BBS9: variants seen among roughly 807,000 people sequenced by gnomAD.
BBS9 encodes protein PTHB1.
BBS9 carries 89 observed loss-of-function variants against 117.7 expected under a neutral mutation model. The ratio of observed to expected loss-of-function variants is 0.76; its 90% confidence interval spans 0.64 to 0.90. The LOEUF is 0.90. BBS9 is among the 40% of genes least tolerant of loss of function. The pLI, the probability that BBS9 is intolerant of heterozygous loss-of-function variation, is 0.00. For synonymous variants in BBS9, 379 were observed against 370.9 expected (o/e 1.02, Z -0.25); for missense variants, 982 against 1,042.2 (o/e 0.94, Z 0.80).
Position 33,367,788 on chromosome 7 carries a change from A to G in BBS9, c.1715A>G (p.Asp572Gly), listed in dbSNP as rs1822070923. The G allele has an allele frequency of 1.9e-6, 3 of 1,613,764 alleles. No homozygotes were observed. In the South Asian group the frequency reaches 3.3e-5, roughly 18 times the overall value. The change falls in exon 17 of 23, where the codon GAT becomes GGT. Residue 572 changes from aspartate (D) to glycine (G), a missense_variant. By Grantham distance (94) the Asp-to-Gly change is moderately conservative. Coordinates refer to ENST00000242067, the MANE Select transcript of BBS9 (RefSeq NM_198428.3). Reference sequence around the variant, plus strand: ...GTAGGTTTTGCCAGTCAGTCAGATGATGATCAGGTGAATGTAATGGGTTTT... The same window carrying G: ...GTAGGTTTTGCCAGTCAGTCAGATGGTGATCAGGTGAATGTAATGGGTTTT... ...LFPGFASQSD[D>G]DQVNVMGFHF...
At chr7:33,362,054 G>T (rs1820719807) in intron 16 of BBS9, among the ~76,000 whole-genome samples, 1 of 152,016 alleles carries the variant, frequency 6.6e-6, no homozygotes, top group Non-Finnish European at 1.5e-5. Flanking sequence ...TCCTTATCCT[G>T]CATCCCAAGC....
At chr7:33,245,344 G>C (rs979004111) in intron 5 of BBS9, among the ~76,000 whole-genome samples, 11 of 151,772 alleles carry the variant, frequency 7.2e-5, no homozygotes, top group Admixed American at 7.2e-4. Flanking sequence ...ACAGATCTTA[G>C]TGTTTCTAGT....
intron 5 of BBS9, among the ~76,000 whole-genome samples, chr7:33,239,922 TC>T (rs1282725551): frequency 6.6e-6 from 1 of 152,138 alleles, no homozygotes; most frequent in African/African-American, 2.4e-5. Context: ...GGTAGGAGGA[TC>T]CCATGAGTCC....
chr7:33,177,592 G>A lies in BBS9; in HGVS notation c.442+1G>A. On this transcript the variant is annotated splice_donor_variant, in intron 5 of 22. Transcript: ENST00000242067. LOFTEE classifies it high-confidence loss of function. ...TATGGATCATTTGGTGGTGTAAAAG[G>A]TAATTTGCTTTTAATCATGAGTATG... is the stretch of plus-strand genomic sequence containing the variant. The A allele has an allele frequency of 1.3e-6, 2 of 1,595,836 alleles. No homozygotes were observed. Among genetic ancestry groups the A allele is most frequent in the East Asian group, 4.5e-5 (2 of 44,726 alleles).
intron 19 of BBS9, among the ~76,000 whole-genome samples, chr7:33,495,460 A>G (rs1357978375): frequency 6.6e-6 from 1 of 152,238 alleles, no homozygotes; most frequent in Admixed American, 6.5e-5. Context: ...TATTCAGATC[A>G]GACCTTGTAG....
chr7:33,548,984 A>G (rs1393644209), intron 21 of BBS9, among the ~76,000 whole-genome samples: 1 of 151,372 alleles, frequency 6.6e-6, no homozygotes, highest in African/African-American at 2.4e-5. Flanking sequence ...TCCTAAGCCA[A>G]AAGAACAAAG....
chr7:33,412,324 A>G (rs1326752883), intron 19 of BBS9, among the ~76,000 whole-genome samples: 1 of 152,206 alleles, frequency 6.6e-6, no homozygotes, highest in African/African-American at 2.4e-5. Context: ...CCTGTGCCAC[A>G]GTGCTTAACA....
chr7:33,315,655 A>T (rs1047171349), intron 9 of BBS9, among the ~76,000 whole-genome samples: 1 of 152,208 alleles, frequency 6.6e-6, no homozygotes, highest in African/African-American at 2.4e-5. Flanking sequence ...GGAAGAGAAC[A>T]TTTGTAGCAT....
chr7:33,563,942 A>G lies in BBS9; in HGVS notation c.2521+29766A>G, dbSNP rs1413921324. Among the ~76,000 whole-genome samples, 3 of 152,280 alleles carry G rather than the reference A, an allele frequency of 2.0e-5. No individual in the cohort carries two copies. In the East Asian group the frequency reaches 5.8e-4, roughly 29 times the overall value. On this transcript the variant is annotated intron_variant, in intron 21 of 22. Coordinates refer to ENST00000242067, the MANE Select transcript of BBS9 (RefSeq NM_198428.3). ...AACTTAAGACTGCAGATCTCTGTAT[A>G]TTGCTGCCGATAAGACCACATACTT...
intron 19 of BBS9, among the ~76,000 whole-genome samples, chr7:33,497,334 T>A (rs1412795295): frequency 6.6e-6 from 1 of 152,170 alleles, no homozygotes; most frequent in Non-Finnish European, 1.5e-5. Flanking sequence ...ATAGTTGCAC[T>A]ATATCTTTAG....
rs1798189775 is a variant in BBS9, at chr7:33,182,139, A to G, written c.442+4548A>G. Among the ~76,000 whole-genome samples the G allele has an allele frequency of 2.6e-5, 4 of 152,180 alleles. 1 individual carries two copies. In the South Asian group the frequency reaches 8.3e-4, roughly 31 times the overall value. ...AAACTATCCTTTAACCCTCTAAACT[A>G]GGCAAAAAGAAAAAAAAATCCACAT... On this transcript the variant is annotated intron_variant, in intron 5 of 22. Coordinates refer to ENST00000242067, the MANE Select transcript of BBS9 (RefSeq NM_198428.3).
At chr7:33,498,737 C>A (rs1845064914) in intron 19 of BBS9, among the ~76,000 whole-genome samples, 1 of 152,000 alleles carries the variant, frequency 6.6e-6, no homozygotes, top group Admixed American at 6.6e-5. Flanking sequence ...ATGAATATGC[C>A]ACAATTTGTT....
chr7:33,262,470 C>A (rs896566494), intron 6 of BBS9, among the ~76,000 whole-genome samples: 1 of 152,126 alleles, frequency 6.6e-6, no homozygotes, highest in Non-Finnish European at 1.5e-5. Context: ...CCAGCGCATA[C>A]TATTTCTGTT....
chr7:33,155,125 T>C (rs1453614034), intron 3 of BBS9, among the ~76,000 whole-genome samples: 2 of 152,252 alleles, frequency 1.3e-5, no homozygotes, highest in Non-Finnish European at 2.9e-5. Flanking sequence ...ATATTTTCAA[T>C]ACTTGTAATA....
chr7:33,334,643 TAAG>T (rs140711774), intron 9 of BBS9, among the ~76,000 whole-genome samples: 347 of 152,286 alleles, frequency 2.3e-3, no homozygotes, highest in African/African-American at 8.0e-3. Flanking sequence ...TTTCATACTT[TAAG>T]AAGATCATTC....
At chr7:33,165,447 C>G (rs1795525910) in intron 4 of BBS9, among the ~76,000 whole-genome samples, 1 of 152,126 alleles carries the variant, frequency 6.6e-6, no homozygotes. Context: ...TCCATTCTCC[C>G]CATCACTTTC....
At chr7:33,161,782 G>A (rs1467066227) in intron 4 of BBS9, among the ~76,000 whole-genome samples, 2 of 152,176 alleles carry the variant, frequency 1.3e-5, no homozygotes, top group Non-Finnish European at 2.9e-5. Flanking sequence ...TCCAGCATCT[G>A]TTGCTTCCTG....
At chr7:33,210,344 T>G (rs957447720) in intron 5 of BBS9, among the ~76,000 whole-genome samples, 6 of 152,216 alleles carry the variant, frequency 3.9e-5, no homozygotes, top group Non-Finnish European at 7.3e-5. Flanking sequence ...ATCCATATGC[T>G]GAGGAGAAGA....
intron 19 of BBS9, among the ~76,000 whole-genome samples, chr7:33,479,424 C>T (rs1842223966): frequency 6.6e-6 from 1 of 152,140 alleles, no homozygotes; most frequent in African/African-American, 2.4e-5. Context: ...ATCCATGTTG[C>T]TGCCAAGGAC....
Sources: allele counts gnomAD v4.1 joint callset (sites outside exome capture counted in the v4.1 genomes callset), GRCh38; gene constraint gnomAD v4.1.1; transcripts MANE v1.5; gene names NCBI Gene and HGNC (gene_info 2026-07-23, HGNC 2026-07-21).